Variants in MYG1 observed in about 807,000 individuals in gnomAD.
The protein encoded by MYG1 is UPF0160 protein MYG1, mitochondrial.
In MYG1, 36 loss-of-function variants were observed where a neutral mutation model predicts 43.5. That is an observed-to-expected ratio of 0.83 (90% confidence interval 0.63 to 1.09). The LOEUF (loss-of-function observed/expected upper bound fraction) is 1.09. Among genes scored for constraint, MYG1 ranks in the 50% least tolerant of loss-of-function variants. The pLI, the probability that MYG1 is intolerant of heterozygous loss-of-function variation, is 0.00. For missense variants in MYG1, 529 were observed against 495.1 expected, an observed-to-expected ratio of 1.07 and a Z score of -0.65; for synonymous variants, 220 against 202.8, an observed-to-expected ratio of 1.08 and a Z score of -0.72.
chr12:53,302,373 A>T lies in MYG1; in HGVS notation c.330-661A>T, dbSNP rs1944238761. On this transcript the variant is annotated intron_variant, in intron 2 of 6. Coordinates refer to ENST00000267103, the MANE Select transcript of MYG1 (RefSeq NM_021640.4). ...ACTGGTATTTAGAAATCATGGCTGTAGTTTCTGCTTCCCTAACATCTGTTA... is the reference window on the plus strand; with the variant it reads ...ACTGGTATTTAGAAATCATGGCTGTTGTTTCTGCTTCCCTAACATCTGTTA... 1.3e-5 allele frequency among the ~76,000 whole-genome samples: 2 copies of T among 152,238 alleles called. 1 individual carries two copies. The highest frequency in any genetic ancestry group is 4.1e-4 in the South Asian group (2 of 4,832).
Position 53,305,960 on chromosome 12 carries a change from A to G in MYG1, c.542A>G (p.Gln181Arg), listed in dbSNP as rs1278852333. 3 of 1,613,716 alleles carry G rather than the reference A, an allele frequency of 1.9e-6. No homozygotes were observed. Among genetic ancestry groups the G allele is most frequent in the Non-Finnish European group, 1.7e-6 (2 of 1,179,900 alleles). The change falls in exon 4 of 7, where the codon CAG (glutamine) becomes CGG (arginine). Residue 181 changes from glutamine (Q) to arginine (R), a missense_variant. Physicochemically the swap from Gln to Arg is conservative, Grantham distance 43 (BLOSUM62 1). Coordinates refer to ENST00000267103, the MANE Select transcript of MYG1 (RefSeq NM_021640.4). ...GATGCTGTGGACAATGGGATCTCCCAGTGGGCAGAGGGGGAGCCTCGATAT... is the reference window on the plus strand; with the variant it reads ...GATGCTGTGGACAATGGGATCTCCCGGTGGGCAGAGGGGGAGCCTCGATAT... Reference protein sequence around the residue: ...EVDAVDNGISQWAEGEPRYAL... With the variant: ...EVDAVDNGISRWAEGEPRYAL...
At position 53,306,359 on chromosome 12, in the gene MYG1, C is replaced by G. The variant is rs1432228300; in HGVS notation, c.765+39C>G. 4.3e-6 allele frequency: 7 copies of G among 1,609,752 alleles called. No homozygotes were observed. In the Admixed American group the frequency reaches 1.0e-4, roughly 23 times the overall value. On this transcript the variant is annotated intron_variant, in intron 5 of 6. Coordinates refer to ENST00000267103, the MANE Select transcript of MYG1 (RefSeq NM_021640.4). ...AGGAGGCATTATGGCTTGAGGATTACTGACTGCCAATCAACAGGAACTCCT... is the reference window on the plus strand; with the variant it reads ...AGGAGGCATTATGGCTTGAGGATTAGTGACTGCCAATCAACAGGAACTCCT...
In MYG1 at chr12:53,303,135, T is replaced by A; in HGVS notation, c.431T>A (p.Leu144Gln). The change falls in exon 3 of 7, where the codon CTG becomes CAG. Residue 144 changes from leucine (L) to glutamine (Q), a missense_variant. Physicochemically the swap from Leu to Gln is moderately radical, Grantham distance 113 (BLOSUM62 -2). Coordinates refer to ENST00000267103, the MANE Select transcript of MYG1 (RefSeq NM_021640.4). ...TATCTGCACTTCGGGCACAAGCTGCTGGCCCAGTTGCTGGGCACTAGTGAA... is the reference window on the plus strand; with the variant it reads ...TATCTGCACTTCGGGCACAAGCTGCAGGCCCAGTTGCTGGGCACTAGTGAA... ...LIYLHFGHKLLAQLLGTSEED... is the reference protein window; with the variant it reads ...LIYLHFGHKLQAQLLGTSEED... The A allele has an allele frequency of 6.2e-7, 1 of 1,614,188 alleles. No individual in the cohort carries two copies. The highest frequency in any genetic ancestry group is 8.5e-7 in the Non-Finnish European group (1 of 1,180,024).
At position 53,299,701 on chromosome 12, in the gene MYG1, C is replaced by T; in HGVS notation, c.-37C>T. ...GGGGCTGCGCTGGCGCTTCCTCTTC[C>T]GGGTCGGCGCTCCTGCCTCCCTGCA... On this transcript the variant is annotated 5_prime_UTR_variant, in exon 1 of 7. Coordinates refer to ENST00000267103, the MANE Select transcript of MYG1 (RefSeq NM_021640.4). 6.4e-7 allele frequency: 1 copy of T among 1,562,238 alleles called. No individual in the cohort carries two copies. Among genetic ancestry groups the T allele is most frequent in the Non-Finnish European group, 8.7e-7 (1 of 1,148,804 alleles).
Position 53,306,811 on chromosome 12 carries a change from A to G in MYG1, c.897A>G (p.Gly299=), listed in dbSNP as rs1306193561. 6.2e-7 allele frequency: 1 copy of G among 1,614,056 alleles called. No homozygotes were observed. The highest frequency in any genetic ancestry group is 8.5e-7 in the Non-Finnish European group (1 of 1,180,012). The part of the protein sequence containing the change: ...IFFVIYTDQA[G]QWRIQCVPKE... ...TTGTTATCTACACTGACCAGGCTGG[A>G]CAGTGGCGAATACAGTGTGTGCCCA... Residue 299 remains glycine (G), a synonymous_variant, in exon 6 of 7, where the codon GGA becomes GGG. Transcript: ENST00000267103.
chr12:53,306,535 G>T (rs1256498167), intron 5 of MYG1, 145 bp from the exon 6 acceptor site: 41 of 1,081,824 alleles, frequency 3.8e-5, no homozygotes, highest in Non-Finnish European at 5.4e-5. Context: ...GTAGAGACAG[G>T]GTCTTACTTT....
At position 53,303,113 on chromosome 12, in the gene MYG1, C is replaced by G; in HGVS notation, c.409C>G (p.Leu137Val). ...GCTGAGCAGTGCGGGACTCATCTATCTGCACTTCGGGCACAAGCTGCTGGC... is the reference window on the plus strand; with the variant it reads ...GCTGAGCAGTGCGGGACTCATCTATGTGCACTTCGGGCACAAGCTGCTGGC... Reference protein sequence around the residue: ...TKLSSAGLIYLHFGHKLLAQL... With the variant: ...TKLSSAGLIYVHFGHKLLAQL... The change falls in exon 3 of 7, where the codon CTG (leucine) becomes GTG (valine). Residue 137 changes from leucine (L) to valine (V), a missense_variant. Physicochemically the swap from Leu to Val is conservative, Grantham distance 32. Coordinates refer to ENST00000267103, the MANE Select transcript of MYG1 (RefSeq NM_021640.4). 2 of 1,614,204 alleles carry G rather than the reference C, an allele frequency of 1.2e-6. No homozygotes were observed. Among genetic ancestry groups the G allele is most frequent in the Non-Finnish European group, 1.7e-6 (2 of 1,180,040 alleles).
At chr12:53,300,087 G>A in intron 1 of MYG1, 63 bp from the exon 2 acceptor site, 2 of 1,529,100 alleles carry the variant, frequency 1.3e-6, no homozygotes, top group Non-Finnish European at 1.8e-6. Flanking sequence ...CCTCCCTGAA[G>A]TCCAGCATTA....
At position 53,300,834 on chromosome 12, in the gene MYG1, AAG is replaced by A. The variant is rs538154913; in HGVS notation, c.329+573_329+574del. Among the ~76,000 whole-genome samples, 5 of 152,086 alleles carry A rather than the reference AAG, an allele frequency of 3.3e-5. No homozygotes were observed. The South Asian group carries it at 1.0e-3, about 32-fold the overall frequency. ...CATCCTCAGCTCCCTCCTACCAACT[AAG>A]GGAAATTTCTTCCCTTCTATTGGAG... On this transcript the variant is annotated intron_variant, in intron 2 of 6. Coordinates refer to ENST00000267103, the MANE Select transcript of MYG1 (RefSeq NM_021640.4).
chr12:53,303,744 T>C (rs939908167), intron 3 of MYG1: 5 of 153,810 alleles, frequency 3.3e-5, no homozygotes, highest in African/African-American at 1.2e-4. Context: ...GCAAGTCAGG[T>C]CGCACAGTAC....
chr12:53,306,382 C>T, intron 5 of MYG1, 62 bp downstream of exon 5: 7 of 1,599,854 alleles, frequency 4.4e-6, no homozygotes, highest in Non-Finnish European at 6.0e-6. Context: ...AACAGGAACT[C>T]CTGCTTCTTC....
intron 3 of MYG1, 68 bp from the exon 4 acceptor site, chr12:53,305,840 T>C (rs963722028): frequency 1.3e-6 from 2 of 1,520,080 alleles, no homozygotes; most frequent in Non-Finnish European, 8.8e-7. Flanking sequence ...TGAACATACT[T>C]TGAATCATGT....
chr12:53,306,516 G>A (rs1944283480), intron 5 of MYG1, 164 bp from the exon 6 acceptor site: 2 of 1,075,330 alleles, frequency 1.9e-6, no homozygotes, highest in Non-Finnish European at 2.6e-6. Context: ...GCTAATTTTT[G>A]TATTTTTTGT....
rs1303816856 is a variant in MYG1 at position 53,303,116 on chromosome 12, C to T, written c.412C>T (p.His138Tyr). The part of the protein sequence containing the change: ...KLSSAGLIYL[H>Y]FGHKLLAQLL... ...GAGCAGTGCGGGACTCATCTATCTGCACTTCGGGCACAAGCTGCTGGCCCA... is the reference window on the plus strand; with the variant it reads ...GAGCAGTGCGGGACTCATCTATCTGTACTTCGGGCACAAGCTGCTGGCCCA... Residue 138 changes from histidine (H) to tyrosine (Y), a missense_variant, in exon 3 of 7, where the codon CAC becomes TAC. His to Tyr is a moderately conservative substitution (Grantham distance 83). Coordinates refer to ENST00000267103, the MANE Select transcript of MYG1 (RefSeq NM_021640.4). 3.1e-6 allele frequency: 5 copies of T among 1,614,066 alleles called. No individual in the cohort carries two copies. In the Admixed American group the frequency reaches 5.0e-5, roughly 16 times the overall value.
chr12:53,300,255 C>T lies in MYG1; in HGVS notation c.322C>T (p.His108Tyr), dbSNP rs1163538749. 6.4e-7 allele frequency: 1 copy of T among 1,570,720 alleles called. No homozygotes were observed. The part of the protein sequence containing the change: ...YDPRRHRYDH[H>Y]QRSFTETMSS... The stretch of plus-strand genomic sequence containing the variant: ...CCCTCGGAGACACCGATATGACCAT[C>T]ACCAGAGGTAGGTTCTCAGATACCA... Residue 108 changes from histidine (H) to tyrosine (Y), a missense_variant, in exon 2 of 7, where the codon CAC (histidine) becomes TAC (tyrosine). Coordinates refer to ENST00000267103, the MANE Select transcript of MYG1 (RefSeq NM_021640.4).
At chr12:53,306,130 C>T (rs534042190) in intron 4 of MYG1, 68 bp from the exon 5 acceptor site, 3 of 1,609,052 alleles carry the variant, frequency 1.9e-6, no homozygotes, top group Admixed American at 1.7e-5. Flanking sequence ...GGAGCATTTG[C>T]TCCTCCTAAG....
intron 5 of MYG1, 128 bp from the exon 6 acceptor site, chr12:53,306,552 T>G (rs1944284511): frequency 4.4e-6 from 5 of 1,143,138 alleles, no homozygotes; most frequent in South Asian, 1.5e-5. Context: ...CTTTGTTGCC[T>G]AGGCTAGTCT....
rs896890554 is a variant in MYG1 at position 53,300,102 on chromosome 12, C to CCTA, written c.217-46_217-44dup. The stretch of plus-strand genomic sequence containing the variant: ...CCTCCCTGAAGTCCAGCATTAATCC[C>CCTA]CTACCCGGCGACACCCGGCAGCCCC... On this transcript the variant is annotated intron_variant, in intron 1 of 6. Transcript: ENST00000267103. 3.2e-6 allele frequency: 5 copies of CCTA among 1,541,320 alleles called. No individual in the cohort carries two copies. The African/African-American group carries it at 6.8e-5, about 21-fold the overall frequency.
At chr12:53,301,877 A>G (rs1469111335) in intron 2 of MYG1, among the ~76,000 whole-genome samples, 1 of 151,910 alleles carries the variant, frequency 6.6e-6, no homozygotes, top group Non-Finnish European at 1.5e-5. Context: ...GTGTTTCACT[A>G]TGTTGGCCAG....
Sources: gnomAD v4.1 joint callset for allele counts (sites outside exome capture counted in the v4.1 genomes callset) on GRCh38, gnomAD v4.1.1 for gene constraint, MANE v1.5 for transcripts, NCBI Gene and HGNC (gene_info 2026-07-23, HGNC 2026-07-21) for gene names.